The following ABL1 variants were observed in gnomAD, a reference collection of about 807,000 sequenced individuals.
The protein encoded by ABL1 is tyrosine-protein kinase ABL1.
ABL1 carries 11 observed loss-of-function variants against 94.7 expected under a neutral mutation model. The ratio of observed to expected loss-of-function variants is 0.12; its 90% CI spans 0.07 to 0.19. The LOEUF is 0.19. Among genes scored for constraint, ABL1 ranks in the 10% least tolerant of loss-of-function variants. The pLI is 1.00. For missense variants in ABL1, 1,082 were observed against 1,489.4 expected, an observed-to-expected ratio of 0.73 and a Z score of 4.50; for synonymous variants, 656 against 622.4, an observed-to-expected ratio of 1.05 and a Z score of -0.80.
At chr9:130,810,554 G>A (rs1305848561) in intron 1 of ABL1, among the ~76,000 whole-genome samples, 3 of 151,684 alleles carry the variant, frequency 2.0e-5, no homozygotes, top group African/African-American at 7.3e-5. Flanking sequence ...AATAAACATT[G>A]CACAAGTAAA....
chr9:130,870,529 C>T (rs768136148), intron 4 of ABL1, among the ~76,000 whole-genome samples: 2 of 152,306 alleles, frequency 1.3e-5, no homozygotes, highest in South Asian at 2.1e-4. Flanking sequence ...ATTGAATCCC[C>T]GGATACTGGC....
intron 8 of ABL1, among the ~76,000 whole-genome samples, chr9:130,878,874 ATTTTTT>A (rs943552961): frequency 7.9e-6 from 1 of 127,288 alleles, no homozygotes; most frequent in Admixed American, 8.0e-5. Flanking sequence ...TCATGAGGTG[ATTTTTT>A]TTTTTTTTTT....
Position 130,863,068 on chromosome 9 carries a change from C to G in ABL1, c.822+33C>G. The G allele has an allele frequency of 6.4e-7, 1 of 1,557,794 alleles. No homozygotes were observed. Among genetic ancestry groups the G allele is most frequent in the Non-Finnish European group, 8.7e-7 (1 of 1,148,628 alleles). ...GGGACTGCCGGGGGTGCCCAGGGTA[C>G]GTGGGGCAAGGCGTCTGCTGGCATT... On this transcript the variant is annotated intron_variant, in intron 4 of 10. Transcript: ENST00000318560. This position sits in a 1 kb window ranked among gnomAD's most constrained non-coding sequence, Gnocchi z 4.3.
In ABL1 at chr9:130,872,020, C is replaced by A; in HGVS notation, c.823-109C>A. The A allele has an allele frequency of 1.1e-6, 1 of 926,580 alleles. No individual in the cohort carries two copies. The highest frequency in any genetic ancestry group is 1.7e-6 in the Non-Finnish European group (1 of 598,874). 57.4% of individuals were successfully genotyped at this position (926,580 alleles called of 1,614,324 possible). ...GCAATGTGGCTGTCACAAAACGCAG[C>A]CCAGGACGAGTATGCGCTGAAGCTC... On this transcript the variant is annotated intron_variant, in intron 4 of 10. Transcript: ENST00000318560. This position sits in a 1 kb window ranked among gnomAD's most constrained non-coding sequence, Gnocchi z 5.0.
chr9:130,783,231 G>A (rs1490353824), intron 1 of ABL1, among the ~76,000 whole-genome samples: 4 of 152,322 alleles, frequency 2.6e-5, no homozygotes, highest in African/African-American at 9.6e-5. Context: ...ACCACCCAGT[G>A]TTAAGTGTAA....
At chr9:130,722,716 CCTT>C (rs1412897033) in intron 1 of ABL1, among the ~76,000 whole-genome samples, 4 of 152,218 alleles carry the variant, frequency 2.6e-5, no homozygotes, top group Non-Finnish European at 4.4e-5. Flanking sequence ...TTTTGTATGG[CCTT>C]CTTATTTTTC....
chr9:130,774,101 A>G (rs964950523), intron 1 of ABL1, among the ~76,000 whole-genome samples: 1 of 152,192 alleles, frequency 6.6e-6, no homozygotes, highest in Non-Finnish European at 1.5e-5. Flanking sequence ...TTTTTGGATC[A>G]ATAATTTGTT....
intron 1 of ABL1, among the ~76,000 whole-genome samples, chr9:130,761,955 G>A (rs1832120404): frequency 6.6e-6 from 1 of 151,906 alleles, no homozygotes; most frequent in African/African-American, 2.4e-5. Context: ...CCAGCCTGAC[G>A]AACGTGGGGA....
chr9:130,818,125 A>G (rs576867964), intron 1 of ABL1, among the ~76,000 whole-genome samples: 87 of 152,282 alleles, frequency 5.7e-4, no homozygotes, highest in East Asian at 1.9e-3. Context: ...ACTTGTCTCT[A>G]TTCTCTTAAC....
At chr9:130,826,074 G>C (rs1220514173) in intron 1 of ABL1, among the ~76,000 whole-genome samples, 2 of 152,130 alleles carry the variant, frequency 1.3e-5, no homozygotes, top group East Asian at 3.8e-4. Flanking sequence ...CCTAGGGCAA[G>C]TTATATAACC....
At chr9:130,713,802 C>T in exon 1 of ABL1, 1 of 213,242 alleles carries the variant, frequency 4.7e-6, no homozygotes. Context: ...TGTCCTTTTC[C>T]GGAGAGCAAA....
chr9:130,865,919 A>G (rs1831148822), intron 4 of ABL1, among the ~76,000 whole-genome samples: 1 of 152,220 alleles, frequency 6.6e-6, no homozygotes, highest in Admixed American at 6.5e-5. Context: ...CAGGTTGAGC[A>G]TCCCGGACCC....
chr9:130,860,449 T>G (rs1222005400), intron 3 of ABL1, among the ~76,000 whole-genome samples: 1 of 152,210 alleles, frequency 6.6e-6, no homozygotes, highest in Non-Finnish European at 1.5e-5. Context: ...GGGAATCAAA[T>G]GAGCCCAAGA....
At chr9:130,876,820 T>G (rs1831353216) in intron 7 of ABL1, among the ~76,000 whole-genome samples, 1 of 131,742 alleles carries the variant, frequency 7.6e-6, no homozygotes, top group Non-Finnish European at 1.6e-5. Flanking sequence ...CACTGCAAGC[T>G]CCGCCTTCCG....
chr9:130,863,168 T>A lies in ABL1; in HGVS notation c.822+133T>A. 2.0e-6 allele frequency: 2 copies of A among 1,021,410 alleles called. No homozygotes were observed. The highest frequency in any genetic ancestry group is 2.6e-5 in the East Asian group (1 of 38,152). 63.3% of individuals were successfully genotyped at this position (1,021,410 alleles called of 1,614,324 possible). ...TTCATTGGCGCCACGGAATTGACTT[T>A]TCCGTCTTATATCATTCCTGTGTCT... is the stretch of plus-strand genomic sequence containing the variant. On this transcript the variant is annotated intron_variant, in intron 4 of 10. Transcript: ENST00000318560. This position sits in a 1 kb window ranked among gnomAD's most constrained non-coding sequence, Gnocchi z 4.3.
At chr9:130,864,332 G>A (rs561901165) in intron 4 of ABL1, among the ~76,000 whole-genome samples, 10 of 152,142 alleles carry the variant, frequency 6.6e-5, no homozygotes, top group Non-Finnish European at 1.2e-4. Flanking sequence ...TGCAACCTCC[G>A]CCTCCCCAAA....
chr9:130,824,103 AGT>A (rs142962147), intron 1 of ABL1, among the ~76,000 whole-genome samples: 10 of 152,310 alleles, frequency 6.6e-5, no homozygotes, highest in African/African-American at 2.4e-4. Context: ...ATATCCTAAA[AGT>A]GTATCTTTTG....
chr9:130,825,463 C>G (rs1338876712), intron 1 of ABL1, among the ~76,000 whole-genome samples: 1 of 152,138 alleles, frequency 6.6e-6, no homozygotes, highest in Non-Finnish European at 1.5e-5. Flanking sequence ...TTGTCAATAA[C>G]CAGGGCTTGG....
At chr9:130,809,687 A>G (rs1259252347) in intron 1 of ABL1, among the ~76,000 whole-genome samples, 1 of 152,190 alleles carries the variant, frequency 6.6e-6, no homozygotes, top group Non-Finnish European at 1.5e-5. Context: ...TCTTTTACTC[A>G]GGAAAGGGTC....
Sources: gnomAD v4.1 joint callset for allele counts (sites outside exome capture counted in the v4.1 genomes callset) on GRCh38, gnomAD v4.1.1 for gene constraint, Gnocchi (gnomAD v3.1) non-coding constraint, MANE v1.5 for transcripts, NCBI Gene and HGNC (gene_info 2026-07-23, HGNC 2026-07-21) for gene names.